Variants in AAK1 observed in about 807,000 individuals in gnomAD.
AAK1 encodes the protein AP2-associated protein kinase 1.
A neutral mutation model predicts 116.0 loss-of-function variants in AAK1; 37 were observed. The observed-to-expected ratio is 0.32, with a 90% CI of 0.25 to 0.42. The LOEUF is 0.42. Ranked by LOEUF, AAK1 falls within the 10% of genes least tolerant of loss-of-function variation. The probability of loss-of-function intolerance (pLI) is 1.00; values close to 1 mark genes in which losing one functional copy is unlikely to be tolerated. For missense variants in AAK1, 919 were observed against 1,170.6 expected, an observed-to-expected ratio of 0.79 and a Z score of 3.14; for synonymous variants, 458 against 439.9, an observed-to-expected ratio of 1.04 and a Z score of -0.51.
intron 16 of AAK1, among the ~76,000 whole-genome samples, chr2:69,503,085 C>T (rs1676039943): frequency 6.6e-6 from 1 of 152,142 alleles, no homozygotes; most frequent in South Asian, 2.1e-4. Flanking sequence ...GCAAAGACTG[C>T]ACAGGGCATA....
chr2:69,532,129 A>G lies in AAK1; in HGVS notation c.568T>C (p.Tyr190His). 1 of 1,613,674 alleles carries G rather than the reference A, an allele frequency of 6.2e-7. No individual in the cohort carries two copies. The highest frequency in any genetic ancestry group is 8.5e-7 in the Non-Finnish European group (1 of 1,179,634). ...ENILLHDRGHYVLCDFGSATN... is the reference protein window; with the variant it reads ...ENILLHDRGHHVLCDFGSATN... ...GCGCTTCCAAAGTCACACAGGACAT[A>G]GTGGCCTCGGTCATGCAAGAGGATG... The change falls in exon 6 of 22, where the codon TAT becomes CAT. Residue 190 changes from tyrosine to histidine, a missense_variant. Coordinates refer to ENST00000409085, the MANE Select transcript of AAK1 (RefSeq NM_014911.5).
At chr2:69,533,972 C>A (rs1670359380) in intron 5 of AAK1, among the ~76,000 whole-genome samples, 1 of 152,150 alleles carries the variant, frequency 6.6e-6, no homozygotes, top group African/African-American at 2.4e-5. Context: ...CAAAGTGACA[C>A]AGTCAAGCTT....
chr2:69,555,643 T>C (rs1671360299), intron 3 of AAK1, among the ~76,000 whole-genome samples: 2 of 152,314 alleles, frequency 1.3e-5, no homozygotes, highest in Middle Eastern at 3.4e-3. Flanking sequence ...CTTCCAAAGT[T>C]TATTAAGCAT....
intron 17 of AAK1, among the ~76,000 whole-genome samples, chr2:69,490,923 C>CCCCACACACA (rs145475015): frequency 4.1e-5 from 6 of 147,626 alleles, no homozygotes; most frequent in African/African-American, 1.5e-4. Flanking sequence ...GTGTGTGTAC[C>CCCCACACACA]CACACACACA....
chr2:69,482,985 A>G (rs1044200727), intron 17 of AAK1, among the ~76,000 whole-genome samples, 173 bp from the exon 18 acceptor site: 3 of 152,216 alleles, frequency 2.0e-5, no homozygotes, highest in African/African-American at 7.2e-5. Context: ...CAAAATTGGA[A>G]GTTTAAAAAT....
At chr2:69,616,825 C>T (rs977959690) in intron 2 of AAK1, among the ~76,000 whole-genome samples, 3 of 152,184 alleles carry the variant, frequency 2.0e-5, no homozygotes, top group Admixed American at 6.5e-5. Context: ...CAGTGTGACT[C>T]ATTGTTTCCT....
chr2:69,600,477 A>G (rs1673526090), intron 2 of AAK1, among the ~76,000 whole-genome samples: 1 of 152,134 alleles, frequency 6.6e-6, no homozygotes, highest in Admixed American at 6.5e-5. Flanking sequence ...AAGTAACAAC[A>G]ACTACAGATG....
intron 2 of AAK1, among the ~76,000 whole-genome samples, chr2:69,578,478 T>C (rs1390574715): frequency 6.6e-6 from 1 of 152,200 alleles, no homozygotes; most frequent in Non-Finnish European, 1.5e-5. Context: ...CACAGCTACC[T>C]ACTTTTTTAT....
intron 19 of AAK1, among the ~76,000 whole-genome samples, 177 bp downstream of exon 19, chr2:69,480,683 A>C (rs1675052436): frequency 6.6e-6 from 1 of 152,190 alleles, no homozygotes; most frequent in Non-Finnish European, 1.5e-5. Flanking sequence ...TTCTTTAGCA[A>C]GGAAATATAT....
chr2:69,553,894 A>G (rs1380578480), intron 3 of AAK1, among the ~76,000 whole-genome samples: 2 of 151,522 alleles, frequency 1.3e-5, no homozygotes, highest in Middle Eastern at 3.4e-3. Flanking sequence ...TGGGCAACAT[A>G]GCAAGACCTT....
chr2:69,553,128 A>C (rs1671245396), intron 3 of AAK1, among the ~76,000 whole-genome samples: 1 of 152,180 alleles, frequency 6.6e-6, no homozygotes, highest in Non-Finnish European at 1.5e-5. Context: ...CAAGGATATG[A>C]GTTTCTAGAT....
chr2:69,592,439 C>T (rs1248743776), intron 2 of AAK1, among the ~76,000 whole-genome samples: 3 of 152,066 alleles, frequency 2.0e-5, no homozygotes, highest in Admixed American at 6.5e-5. Context: ...CCCACAACAG[C>T]GGTCTATTCA....
At position 69,468,138 on chromosome 2, in the gene AAK1, G is replaced by C; in HGVS notation, c.*7731C>G. On this transcript the variant is annotated 3_prime_UTR_variant, in exon 22 of 22. Transcript: ENST00000409085. ...TTTTGAAAAGAATAAATTTTTCCTTGTATTATAATTTTAGTATGTGCAGCT... is the reference window on the plus strand; with the variant it reads ...TTTTGAAAAGAATAAATTTTTCCTTCTATTATAATTTTAGTATGTGCAGCT... The C allele has an allele frequency of 3.0e-6, 3 of 985,144 alleles. No individual in the cohort carries two copies. The highest frequency in any genetic ancestry group is 3.6e-6 in the Non-Finnish European group (3 of 829,708). 61.0% of individuals were successfully genotyped at this position (985,144 alleles called of 1,614,324 possible).
chr2:69,461,599 T>C lies in AAK1; in HGVS notation c.*14270A>G. 1 of 415,490 alleles carries C rather than the reference T, an allele frequency of 2.4e-6. No individual in the cohort carries two copies. Among genetic ancestry groups the C allele is most frequent in the Non-Finnish European group, 4.8e-6 (1 of 209,680 alleles). 25.7% of individuals were successfully genotyped at this position (415,490 alleles called of 1,614,324 possible). ...CCCATCATGTCTCCAGTGACAATTT[T>C]TTTTTTTTTTTTGAGGCGGAGTTTT... On this transcript the variant is annotated 3_prime_UTR_variant, in exon 22 of 22. Transcript: ENST00000409085.
rs968686487 is a variant in AAK1, at chr2:69,461,732, C to T, written c.*14137G>A. 1 of 364,850 alleles carries T rather than the reference C, an allele frequency of 2.7e-6. No homozygotes were observed. The highest frequency in any genetic ancestry group is 5.4e-6 in the Non-Finnish European group (1 of 185,318). 22.6% of individuals were successfully genotyped at this position (364,850 alleles called of 1,614,324 possible). On this transcript the variant is annotated 3_prime_UTR_variant, in exon 22 of 22. Transcript: ENST00000409085. ...TCAGCCTCCCTAGTAACTGGGACTA[C>T]AGGTGCGTGCCATCACGCCCAGCTA...
At chr2:69,540,507 A>G (rs893689418) in intron 5 of AAK1, among the ~76,000 whole-genome samples, 5 of 152,220 alleles carry the variant, frequency 3.3e-5, no homozygotes. Flanking sequence ...TGGGAGGTAT[A>G]TACTCATTCT....
At chr2:69,627,636 A>G (rs995851268) in intron 2 of AAK1, among the ~76,000 whole-genome samples, 7 of 152,236 alleles carry the variant, frequency 4.6e-5, no homozygotes, top group African/African-American at 1.7e-4. Context: ...GGGAAGAGAG[A>G]CACAAGCTAT....
chr2:69,509,148 C>A, intron 14 of AAK1, 83 bp downstream of exon 14: 1 of 1,168,818 alleles, frequency 8.6e-7, no homozygotes, highest in Non-Finnish European at 1.3e-6. Flanking sequence ...CATCTACACA[C>A]TTATGCAAAG....
chr2:69,521,090 C>G (rs1184732360), intron 10 of AAK1, 102 bp from the exon 11 acceptor site: 2 of 1,300,422 alleles, frequency 1.5e-6, no homozygotes, highest in East Asian at 4.8e-5. Context: ...CCCAAACCTT[C>G]CAGGTCTGTT....
Sources: allele counts gnomAD v4.1 joint callset (sites outside exome capture counted in the v4.1 genomes callset), GRCh38; gene constraint gnomAD v4.1.1; transcripts MANE v1.5; gene names NCBI Gene and HGNC (gene_info 2026-07-23, HGNC 2026-07-21).